ZBED5: variants seen among roughly 807,000 people sequenced by gnomAD.
ZBED5 encodes zinc finger BED domain-containing protein 5.
In ZBED5, 29 loss-of-function variants were observed where a neutral mutation model predicts 49.2. That is an observed-to-expected ratio of 0.59 (90% CI 0.44 to 0.80). ZBED5 has a LOEUF of 0.80. ZBED5 is among the 30% of genes least tolerant of loss of function. The pLI is 0.00. For missense variants in ZBED5, 775 were observed against 812.9 expected (o/e 0.95, Z 0.57); for synonymous variants, 281 against 292.5 (o/e 0.96, Z 0.40).
In ZBED5 at chr11:10,853,831, C is replaced by A; in HGVS notation, c.1115G>T (p.Cys372Phe). The A allele has an allele frequency of 6.4e-7, 1 of 1,551,638 alleles. No individual in the cohort carries two copies. The highest frequency in any genetic ancestry group is 8.7e-7 in the Non-Finnish European group (1 of 1,146,950). Residue 372 changes from cysteine (C) to phenylalanine (F), a missense_variant, in exon 3 of 3, where the codon TGC becomes TTC. Cys to Phe is a radical substitution (Grantham distance 205). Coordinates refer to ENST00000413761, the MANE Select transcript of ZBED5 (RefSeq NM_001143667.2). This position sits in a 1 kb window ranked among gnomAD's most constrained non-coding sequence, Gnocchi z 5.4. ...TGCCAGTGCATGTCTGTATAATAGGCAGTGACTACTGGTGCTTTCGGGAGC... is the reference window on the plus strand; with the variant it reads ...TGCCAGTGCATGTCTGTATAATAGGAAGTGACTACTGGTGCTTTCGGGAGC... ...YVAPESTSSH[C>F]LLYRHALAVK...
Position 10,852,869 on chromosome 11 carries a change from G to A in ZBED5, c.2077C>T (p.His693Tyr), listed in dbSNP as rs561255260. The A allele has an allele frequency of 4.6e-6, 7 of 1,519,506 alleles. No individual in the cohort carries two copies. Among genetic ancestry groups the A allele is most frequent in the East Asian group, 2.5e-5 (1 of 40,252 alleles). 94.1% of individuals were successfully genotyped at this position (1,519,506 alleles called of 1,614,324 possible). A position where few individuals can be genotyped will look rare whatever the true frequency, so the allele number is the denominator to read the frequency against. ...ACATGCAAACTCCTCCAATTTTAAT[G>A]AGAACAGTGTTTTTGTGTCTTTTTA... The part of the protein sequence containing the change: ...CDKKTQKHCS[H>Y] Residue 693 changes from histidine to tyrosine, a missense_variant, in exon 3 of 3, where the codon CAT (histidine) becomes TAT (tyrosine). Physicochemically the swap from His to Tyr is moderately conservative, Grantham distance 83 (BLOSUM62 2). Transcript: ENST00000413761.
chr11:10,855,757 C>A lies in ZBED5; in HGVS notation c.-142+387G>T, dbSNP rs1038397941. 4 of 152,088 alleles carry A rather than the reference C, an allele frequency of 2.6e-5. No homozygotes were observed. The highest frequency in any genetic ancestry group is 2.9e-5 in the Non-Finnish European group (2 of 68,008). The allele number at this position is 152,088 out of a possible 1,614,324, so 9.4% of individuals were successfully genotyped here. On this transcript the variant is annotated intron_variant, in intron 2 of 2. Transcript: ENST00000413761. This position sits in a 1 kb window ranked among gnomAD's most constrained non-coding sequence, Gnocchi z 4.1. Reference sequence around the variant, plus strand: ...TAAATTGTATATCAAAAGTTAGGTACTGTTTCTCTGGACTTAAATTATATA... The same window carrying A: ...TAAATTGTATATCAAAAGTTAGGTAATGTTTCTCTGGACTTAAATTATATA...
At chr11:10,856,720 T>G (rs977680241) in intron 1 of ZBED5, among the ~76,000 whole-genome samples, 7 of 152,334 alleles carry the variant, frequency 4.6e-5, no homozygotes, top group Middle Eastern at 3.4e-3. Flanking sequence ...GTTTACTGTA[T>G]GCCAATTACT....
Position 10,855,046 on chromosome 11 carries a change from T to G in ZBED5, c.-101A>C. ...ATACGTTCATGTATCAGGTGATCTC[T>G]CATGCGACTTCCTGGTGCTCTCAGG... On this transcript the variant is annotated 5_prime_UTR_variant, in exon 3 of 3. Coordinates refer to ENST00000413761, the MANE Select transcript of ZBED5 (RefSeq NM_001143667.2). The surrounding 1 kb of genome is among the most constrained non-coding windows in gnomAD (Gnocchi z 4.1). The G allele has an allele frequency of 2.2e-6, 3 of 1,384,926 alleles. No homozygotes were observed. Among genetic ancestry groups the G allele is most frequent in the Non-Finnish European group, 2.9e-6 (3 of 1,036,162 alleles). 85.8% of individuals were successfully genotyped at this position (1,384,926 alleles called of 1,614,324 possible).
chr11:10,854,932 A>G lies in ZBED5; in HGVS notation c.14T>C (p.Leu5Pro). The change falls in exon 3 of 3, where the codon CTT (leucine) becomes CCT (proline). Residue 5 changes from leucine to proline, a missense_variant. Leu to Pro is a moderately conservative substitution (Grantham distance 98). Transcript: ENST00000413761. The surrounding 1 kb of genome is among the most constrained non-coding windows in gnomAD (Gnocchi z 5.0). ...GAAATTATAAGACAGGATACAAAGA[A>G]GAGGAGCAATCATCAAAGAGATGAT... MIAP[L>P]LCILSYNFNT... 1 of 1,549,192 alleles carries G rather than the reference A, an allele frequency of 6.5e-7. No homozygotes were observed.
rs1003558771 is a variant in ZBED5 at position 10,854,718 on chromosome 11, T to C, written c.228A>G (p.Gln76=). The change falls in exon 3 of 3, where the codon CAA becomes CAG. Residue 76 remains glutamine (Q), a synonymous_variant. Coordinates refer to ENST00000413761, the MANE Select transcript of ZBED5 (RefSeq NM_001143667.2). This position sits in a 1 kb window ranked among gnomAD's most constrained non-coding sequence, Gnocchi z 5.0. ...CTTCTGATTTTTTAGAAACTGAAGG[T>C]TGCAACTGCTTATCTTCACTTTGTA... The part of the protein sequence containing the change: ...GILQSEDKQL[Q]PSVSKKSEGE... 68 of 1,551,484 alleles carry C rather than the reference T, an allele frequency of 4.4e-5. No individual in the cohort carries two copies. The highest frequency in any genetic ancestry group is 5.8e-5 in the Non-Finnish European group (66 of 1,146,956).
rs1040844244 is a variant in ZBED5, at chr11:10,855,722, C to G, written c.-142+422G>C. ...CTGTATCCTAAATGTTATGCGTTAA[C>G]AATGAAGAATAAATTGTATATCAAA... On this transcript the variant is annotated intron_variant, in intron 2 of 2. Coordinates refer to ENST00000413761, the MANE Select transcript of ZBED5 (RefSeq NM_001143667.2). This position sits in a 1 kb window ranked among gnomAD's most constrained non-coding sequence, Gnocchi z 4.1. The G allele has an allele frequency of 6.6e-6, 1 of 152,094 alleles. No homozygotes were observed. Among genetic ancestry groups the G allele is most frequent in the African/African-American group, 2.4e-5 (1 of 41,410 alleles). The allele number at this position is 152,094 out of a possible 1,614,324, so 9.4% of individuals were successfully genotyped here.
In ZBED5 at chr11:10,854,842, G is replaced by A; in HGVS notation, c.104C>T (p.Pro35Leu). 1 of 1,551,868 alleles carries A rather than the reference G, an allele frequency of 6.4e-7. No individual in the cohort carries two copies. Among genetic ancestry groups the A allele is most frequent in the Non-Finnish European group, 8.7e-7 (1 of 1,146,968 alleles). ...LTMFCTTNSL[P>L]MDLLLKQGSL... ...TCCTTGTTTCAGCAACAGATCCATG[G>A]GCAATGAGTTTGTGGTACAAAACAT... Residue 35 changes from proline to leucine, a missense_variant, in exon 3 of 3, where the codon CCC becomes CTC. Coordinates refer to ENST00000413761, the MANE Select transcript of ZBED5 (RefSeq NM_001143667.2). The surrounding 1 kb of genome is among the most constrained non-coding windows in gnomAD (Gnocchi z 5.0).
Position 10,853,520 on chromosome 11 carries a change from A to G in ZBED5, c.1426T>C (p.Tyr476His). 5 of 1,550,828 alleles carry G rather than the reference A, an allele frequency of 3.2e-6. No individual in the cohort carries two copies. Among genetic ancestry groups the G allele is most frequent in the Non-Finnish European group, 3.5e-6 (4 of 1,146,538 alleles). ...TNSSWLLRLAYLADIFTKLNE... is the reference protein window; with the variant it reads ...TNSSWLLRLAHLADIFTKLNE... ...AATTTAGTAAAAATATCTGCAAGAT[A>G]TGCAAGTCTTAGCAGCCAAGATGAA... The change falls in exon 3 of 3, where the codon TAT (tyrosine) becomes CAT (histidine). Residue 476 changes from tyrosine to histidine, a missense_variant. Coordinates refer to ENST00000413761, the MANE Select transcript of ZBED5 (RefSeq NM_001143667.2). The surrounding 1 kb of genome is among the most constrained non-coding windows in gnomAD (Gnocchi z 5.4).
chr11:10,857,301 C>T lies in ZBED5; in HGVS notation c.-256+561G>A, dbSNP rs1257308193. 6.6e-6 allele frequency: 1 copy of T among 152,224 alleles called. No homozygotes were observed. The highest frequency in any genetic ancestry group is 1.5e-5 in the Non-Finnish European group (1 of 68,052). 9.4% of individuals were successfully genotyped at this position (152,224 alleles called of 1,614,324 possible). A position where few individuals can be genotyped will look rare whatever the true frequency, so the allele number is the denominator to read the frequency against. ...TGAGAGTAAAGTTTCCTTTCCACTCCCTGAAGAGCGGGGAAAACTTCCGTC... is the reference window on the plus strand; with the variant it reads ...TGAGAGTAAAGTTTCCTTTCCACTCTCTGAAGAGCGGGGAAAACTTCCGTC... On this transcript the variant is annotated intron_variant, in intron 1 of 2. Coordinates refer to ENST00000413761, the MANE Select transcript of ZBED5 (RefSeq NM_001143667.2). This position sits in a 1 kb window ranked among gnomAD's most constrained non-coding sequence, Gnocchi z 6.3.
At position 10,852,935 on chromosome 11, in the gene ZBED5, G is replaced by A. The variant is rs1848119193; in HGVS notation, c.2011C>T (p.Arg671Ter). The A allele has an allele frequency of 5.8e-6, 9 of 1,551,174 alleles. No homozygotes were observed. Among genetic ancestry groups the A allele is most frequent in the Admixed American group, 2.0e-5 (1 of 50,948 alleles). The change falls in exon 3 of 3, where the codon CGA becomes TGA. Residue 671 changes from arginine (R) to a stop codon, truncating the protein, a stop_gained. Transcript: ENST00000413761. LOFTEE classifies it high-confidence loss of function. ...ATATTAGGTGTAATATTGCTAAGTC[G>A]GATTCGCATATGAGGTGCAGCATCA... ...RLDAAPHMRI[R>*]LSNITPNIKR...
rs1481547628 is a variant in ZBED5 at position 10,854,658 on chromosome 11, G to A, written c.288C>T (p.Ser96=). The A allele has an allele frequency of 1.3e-6, 2 of 1,551,126 alleles. No individual in the cohort carries two copies. ...GTTTTTTACTAAATGTTATTTTGTT[G>A]GAATTGGATATAAATTTGACCCTGG... ...ELSRVKFISN[S]NKITFSKKPK... is the part of the protein sequence containing the mutation. The change falls in exon 3 of 3, where the codon TCC becomes TCT. Residue 96 remains serine (S), a synonymous_variant. Transcript: ENST00000413761. This position sits in a 1 kb window ranked among gnomAD's most constrained non-coding sequence, Gnocchi z 5.0.
In ZBED5 at chr11:10,855,848, T is replaced by A. The variant is rs1398676265; in HGVS notation, c.-142+296A>T. 3.3e-5 allele frequency: 5 copies of A among 152,060 alleles called. No homozygotes were observed. Among genetic ancestry groups the A allele is most frequent in the Non-Finnish European group, 4.4e-5 (3 of 68,018 alleles). The allele number at this position is 152,060 out of a possible 1,614,324, so 9.4% of individuals were successfully genotyped here. On this transcript the variant is annotated intron_variant, in intron 2 of 2. Coordinates refer to ENST00000413761, the MANE Select transcript of ZBED5 (RefSeq NM_001143667.2). This position sits in a 1 kb window ranked among gnomAD's most constrained non-coding sequence, Gnocchi z 4.1. ...GTATATTTTTACAGATAACTCTGCA[T>A]TCTATTTATACAACAGGTGACGACT...
chr11:10,854,226 T>C lies in ZBED5; in HGVS notation c.720A>G (p.Ala240=). 6.4e-7 allele frequency: 1 copy of C among 1,551,122 alleles called. No individual in the cohort carries two copies. ...FDEQYSKKID[A]VQLSNSTVAR... ...CAACAGTACTGTTTGATAGCTGTACTGCATCTATTTTTTTACTATATTGTT... is the reference window on the plus strand; with the variant it reads ...CAACAGTACTGTTTGATAGCTGTACCGCATCTATTTTTTTACTATATTGTT... The change falls in exon 3 of 3, where the codon GCA becomes GCG. Residue 240 remains alanine (A), a synonymous_variant. Transcript: ENST00000413761. This position sits in a 1 kb window ranked among gnomAD's most constrained non-coding sequence, Gnocchi z 5.0.
At position 10,853,806 on chromosome 11, in the gene ZBED5, T is replaced by G. The variant is rs776776221; in HGVS notation, c.1140A>C (p.Ala380=). ...SHCLLYRHAL[A]VKIMPTSLKN... is the part of the protein sequence containing the mutation. ...TTAGAGATGTAGGCATTATTTTAAC[T>G]GCCAGTGCATGTCTGTATAATAGGC... Residue 380 remains alanine (A), a synonymous_variant, in exon 3 of 3, where the codon GCA becomes GCC. Coordinates refer to ENST00000413761, the MANE Select transcript of ZBED5 (RefSeq NM_001143667.2). This position sits in a 1 kb window ranked among gnomAD's most constrained non-coding sequence, Gnocchi z 5.4. 2.0e-5 allele frequency: 31 copies of G among 1,551,664 alleles called. 1 individual carries two copies. The Middle Eastern group carries it at 5.0e-4, about 25-fold the overall frequency.
In ZBED5 at chr11:10,854,055, A is replaced by G. The variant is rs573300027; in HGVS notation, c.891T>C (p.Phe297=). Residue 297 remains phenylalanine (F), a synonymous_variant, in exon 3 of 3, where the codon TTT becomes TTC. Coordinates refer to ENST00000413761, the MANE Select transcript of ZBED5 (RefSeq NM_001143667.2). This position sits in a 1 kb window ranked among gnomAD's most constrained non-coding sequence, Gnocchi z 5.0. ...AVLLVFVRYR[F]NKSIEEDLLL... is the part of the protein sequence containing the mutation. ...GTAGGTCTTCCTCAATAGACTTATT[A>G]AACCTATAACGAACAAACACAAGCA... is the stretch of plus-strand genomic sequence containing the variant. 11 of 1,551,472 alleles carry G rather than the reference A, an allele frequency of 7.1e-6. No homozygotes were observed. The African/African-American group carries it at 1.5e-4, about 21-fold the overall frequency.
In ZBED5 at chr11:10,852,953, C is replaced by T; in HGVS notation, c.1993G>A (p.Ala665Thr). ...KTKYRKRLDA[A>T]PHMRIRLSNI... ...CTAAGTCGGATTCGCATATGAGGTG[C>T]AGCATCAAGTCTTTTCCTATATTTT... The change falls in exon 3 of 3, where the codon GCA becomes ACA. Residue 665 changes from alanine to threonine, a missense_variant. By Grantham distance (58) the Ala-to-Thr change is moderately conservative. Coordinates refer to ENST00000413761, the MANE Select transcript of ZBED5 (RefSeq NM_001143667.2). 6.4e-7 allele frequency: 1 copy of T among 1,551,568 alleles called. No individual in the cohort carries two copies. Among genetic ancestry groups the T allele is most frequent in the South Asian group, 1.2e-5 (1 of 84,058 alleles).
chr11:10,853,271 T>C lies in ZBED5; in HGVS notation c.1675A>G (p.Thr559Ala), dbSNP rs1848125756. Residue 559 changes from threonine (T) to alanine (A), a missense_variant, in exon 3 of 3, where the codon ACT becomes GCT. By Grantham distance (58) the Thr-to-Ala change is moderately conservative (BLOSUM62 0). Transcript: ENST00000413761. This position sits in a 1 kb window ranked among gnomAD's most constrained non-coding sequence, Gnocchi z 5.4. ...IVQHLRGLRA[T>A]LLKYFPVTND... ...GTTACAGGAAAGTATTTTAACAGAG[T>C]AGCGCGCAAACCCCTTAGGTGCTGC... is the stretch of plus-strand genomic sequence containing the variant. 6.4e-7 allele frequency: 1 copy of C among 1,551,536 alleles called. No individual in the cohort carries two copies. Among genetic ancestry groups the C allele is most frequent in the East Asian group, 2.4e-5 (1 of 40,918 alleles).
chr11:10,853,880 C>T lies in ZBED5; in HGVS notation c.1066G>A (p.Ala356Thr). 6.4e-7 allele frequency: 1 copy of T among 1,551,612 alleles called. No homozygotes were observed. The highest frequency in any genetic ancestry group is 8.7e-7 in the Non-Finnish European group (1 of 1,146,950). Reference sequence around the variant, plus strand: ...GCCACATATTTTATTAAGGTGACAGCTTCGGCAATTTTCCCATCCACTGCC... The same window carrying T: ...GCCACATATTTTATTAAGGTGACAGTTTCGGCAATTTTCCCATCCACTGCC... ...SRAVDGKIAE[A>T]VTLIKYVAPE... The change falls in exon 3 of 3, where the codon GCT becomes ACT. Residue 356 changes from alanine to threonine, a missense_variant. By Grantham distance (58) the Ala-to-Thr change is moderately conservative (BLOSUM62 0). Transcript: ENST00000413761. This position sits in a 1 kb window ranked among gnomAD's most constrained non-coding sequence, Gnocchi z 5.4.
Sources: allele counts gnomAD v4.1 joint callset (sites outside exome capture counted in the v4.1 genomes callset), GRCh38; gene constraint gnomAD v4.1.1; non-coding constraint Gnocchi (gnomAD v3.1); transcripts MANE v1.5; gene names NCBI Gene and HGNC (gene_info 2026-07-23, HGNC 2026-07-21).